Variants in LDLRAD4 observed in about 807,000 individuals in gnomAD.
LDLRAD4 encodes the protein low density lipoprotein receptor class A domain containing 4.
LDLRAD4 carries 5 observed loss-of-function variants against 17.0 expected under a neutral mutation model. The observed-to-expected ratio is 0.29, with a 90% CI of 0.15 to 0.62. LDLRAD4 has a LOEUF of 0.62. LDLRAD4 is among the 20% of genes least tolerant of loss of function. The pLI is 0.84. For synonymous variants in LDLRAD4, 168 were observed against 171.8 expected (o/e 0.98, Z 0.17); for missense variants, 340 against 424.7 (o/e 0.80, Z 1.75).
chr18:13,473,013 C>T (rs975255337), intron 3 of LDLRAD4, among the ~76,000 whole-genome samples: 6 of 152,160 alleles, frequency 3.9e-5, no homozygotes, highest in African/African-American at 1.4e-4. Context: ...TAGAAGTCAA[C>T]ATTAATTAAT....
intron 1 of LDLRAD4, among the ~76,000 whole-genome samples, chr18:13,298,329 C>A (rs1410821285): frequency 6.6e-6 from 1 of 151,710 alleles, no homozygotes; most frequent in Non-Finnish European, 1.5e-5. Flanking sequence ...CTGCTCCGGG[C>A]ACGGTGATGG....
intron 3 of LDLRAD4, among the ~76,000 whole-genome samples, chr18:13,498,365 G>T (rs980912776): frequency 7.4e-6 from 1 of 134,358 alleles, no homozygotes. Flanking sequence ...CACACATCCC[G>T]CCGTGGACAC....
At chr18:13,533,960 A>G (rs2094166072) in intron 3 of LDLRAD4, among the ~76,000 whole-genome samples, 1 of 152,174 alleles carries the variant, frequency 6.6e-6, no homozygotes, top group Non-Finnish European at 1.5e-5. Flanking sequence ...TTTTAACTTG[A>G]GAGGGTCGTG....
At chr18:13,591,275 T>G (rs1171206128) in intron 3 of LDLRAD4, among the ~76,000 whole-genome samples, 4 of 152,252 alleles carry the variant, frequency 2.6e-5, no homozygotes, top group African/African-American at 9.6e-5. Context: ...CTGGTTTGCT[T>G]TCAAAGATTT....
chr18:13,378,401 G>C (rs2085087353), intron 1 of LDLRAD4, among the ~76,000 whole-genome samples: 1 of 152,098 alleles, frequency 6.6e-6, no homozygotes, highest in African/African-American at 2.4e-5. Flanking sequence ...TCGTTCTCAG[G>C]GCTGTGTGGA....
chr18:13,468,878 A>G (rs2092695821), intron 3 of LDLRAD4, among the ~76,000 whole-genome samples: 1 of 151,128 alleles, frequency 6.6e-6, no homozygotes, highest in South Asian at 2.1e-4. Flanking sequence ...GAGGGATAGC[A>G]TTAGGAGATA....
exon 6 of LDLRAD4, chr18:13,648,848 C>T (rs1232201843): frequency 6.6e-6 from 1 of 152,194 alleles, no homozygotes; most frequent in African/African-American, 2.4e-5. Flanking sequence ...TCTATAAGAA[C>T]ACAATCTTCC....
chr18:13,260,803 C>G (rs896800135), intron 1 of LDLRAD4, among the ~76,000 whole-genome samples: 5 of 152,214 alleles, frequency 3.3e-5, no homozygotes, highest in Admixed American at 6.5e-5. Context: ...GGTGTGGCAG[C>G]TCTAAGGGCA....
chr18:13,522,282 C>T (rs924459655), intron 3 of LDLRAD4: 1 of 152,164 alleles, frequency 6.6e-6, no homozygotes, highest in Admixed American at 6.5e-5. Context: ...TCCTGCTATC[C>T]AGGCAGACCC....
intron 3 of LDLRAD4, among the ~76,000 whole-genome samples, chr18:13,512,939 C>T (rs1648586): frequency 0.63 from 96,436 of 152,148 alleles, 31,382 homozygotes; most frequent in South Asian, 0.73. Context: ...TCTTCTCTCA[C>T]TGCCTTTTGG....
intron 2 of LDLRAD4, among the ~76,000 whole-genome samples, chr18:13,388,152 G>T (rs2085968265): frequency 6.6e-6 from 1 of 152,218 alleles, no homozygotes; most frequent in Non-Finnish European, 1.5e-5. Context: ...TTGCCGATGT[G>T]TGCTTGGTGC....
upstream of LDLRAD4, among the ~76,000 whole-genome samples, chr18:13,277,527 A>T (rs2044959480): frequency 6.6e-6 from 1 of 152,236 alleles, no homozygotes; most frequent in East Asian, 1.9e-4. Context: ...CACTCTCCTA[A>T]CAGGATGGTG....
intron 3 of LDLRAD4, among the ~76,000 whole-genome samples, chr18:13,587,130 T>G (rs1348086036): frequency 1.3e-5 from 2 of 152,034 alleles, no homozygotes; most frequent in East Asian, 3.9e-4. Flanking sequence ...TACATCAGAA[T>G]CTCCTAGATG....
At chr18:13,588,153 A>T (rs1209416812) in intron 3 of LDLRAD4, among the ~76,000 whole-genome samples, 1 of 152,244 alleles carries the variant, frequency 6.6e-6, no homozygotes, top group East Asian at 1.9e-4. Context: ...TTGTGAAAAT[A>T]CTGTGAAAAG....
intron 1 of LDLRAD4, among the ~76,000 whole-genome samples, chr18:13,245,859 T>C (rs2042929815): frequency 6.6e-6 from 1 of 152,228 alleles, no homozygotes; most frequent in Admixed American, 6.5e-5. Context: ...TTGTTGACTT[T>C]TGCTTTTGGC....
exon 3 of LDLRAD4, chr18:13,438,370 C>G: frequency 1.2e-6 from 2 of 1,613,966 alleles, no homozygotes; most frequent in Non-Finnish European, 1.7e-6. Context: ...CACCCGCCTC[C>G]GGGCATCTTC....
intron 1 of LDLRAD4, among the ~76,000 whole-genome samples, chr18:13,371,724 C>A (rs890276814): frequency 6.6e-6 from 1 of 151,976 alleles, no homozygotes; most frequent in Non-Finnish European, 1.5e-5. Flanking sequence ...GAGATCACAC[C>A]ACCACACTCC....
upstream of LDLRAD4, among the ~76,000 whole-genome samples, chr18:13,276,539 C>T (rs1373412785): frequency 6.6e-6 from 1 of 152,194 alleles, no homozygotes; most frequent in African/African-American, 2.4e-5. Flanking sequence ...ATGTTGCTGG[C>T]AGAATTCATT....
intron 1 of LDLRAD4, among the ~76,000 whole-genome samples, chr18:13,290,034 A>G (rs1392398674): frequency 6.6e-6 from 1 of 152,150 alleles, no homozygotes; most frequent in Non-Finnish European, 1.5e-5. Context: ...TGGTGGGCTC[A>G]GTAACTGTGT....
Sources: allele counts gnomAD v4.1 joint callset (sites outside exome capture counted in the v4.1 genomes callset), GRCh38; gene constraint gnomAD v4.1.1; transcripts MANE v1.5; gene names NCBI Gene and HGNC (gene_info 2026-07-23, HGNC 2026-07-21).